The following ATF7IP2 variants were observed in gnomAD, a reference collection of about 807,000 sequenced individuals.
The protein encoded by ATF7IP2 is activating transcription factor 7 interacting protein 2.
Under a neutral mutation model 64.2 loss-of-function variants are expected in ATF7IP2, and 42 were observed. The ratio of observed to expected loss-of-function variants is 0.65; its 90% CI spans 0.51 to 0.85. ATF7IP2 has a LOEUF of 0.85. Among genes scored for constraint, ATF7IP2 ranks in the 40% least tolerant of loss-of-function variants. ATF7IP2 has a pLI of 0.00. For synonymous variants in ATF7IP2, 308 were observed against 272.8 expected, an observed-to-expected ratio of 1.13 and a Z score of -1.27; for missense variants, 933 against 784.2, an observed-to-expected ratio of 1.19 and a Z score of -2.27.
At chr16:10,408,827 G>T (rs2047694033) in intron 1 of ATF7IP2, among the ~76,000 whole-genome samples, 1 of 152,196 alleles carries the variant, frequency 6.6e-6, no homozygotes, top group Admixed American at 6.5e-5. Context: ...TTTCTGTGCA[G>T]AAGCTCTTTA....
chr16:10,482,804 A>G lies in ATF7IP2; in HGVS notation c.*555A>G, dbSNP rs1050764224. On this transcript the variant is annotated 3_prime_UTR_variant, in exon 14 of 14. Coordinates refer to ENST00000562102, the MANE Select transcript of ATF7IP2 (RefSeq NM_001393719.1). The stretch of plus-strand genomic sequence containing the variant: ...GAGTACAGTGGTCACTGCAACCTCC[A>G]TCTCCCTGGTTCAAGCAATTCTCCT... The G allele has an allele frequency of 1.3e-5, 2 of 152,074 alleles. No homozygotes were observed. The highest frequency in any genetic ancestry group is 2.4e-5 in the African/African-American group (1 of 41,394). The allele number at this position is 152,074 out of a possible 1,614,324, so 9.4% of individuals were successfully genotyped here. A position where few individuals can be genotyped will look rare whatever the true frequency, so the allele number is the denominator to read the frequency against.
intron 9 of ATF7IP2, among the ~76,000 whole-genome samples, chr16:10,459,321 A>T (rs1468754061): frequency 6.6e-6 from 1 of 151,942 alleles, no homozygotes; most frequent in East Asian, 1.9e-4. Context: ...ATAAAAAATT[A>T]GCCGGGCATG....
chr16:10,438,101 G>C lies in ATF7IP2; in HGVS notation c.961G>C (p.Val321Leu), dbSNP rs1262302240. 3 of 1,539,552 alleles carry C rather than the reference G, an allele frequency of 1.9e-6. No homozygotes were observed. The highest frequency in any genetic ancestry group is 1.7e-6 in the Non-Finnish European group (2 of 1,148,850). Residue 321 changes from valine (V) to leucine (L), a missense_variant and splice_region_variant, in exon 7 of 14, where the codon GTC becomes CTC. Physicochemically the swap from Val to Leu is conservative, Grantham distance 32. Coordinates refer to ENST00000562102, the MANE Select transcript of ATF7IP2 (RefSeq NM_001393719.1). ...LERQTAFLEQ[V>L]RHLIQQEIYS... ...TTTGGTTTTTATTTTAAAATTCTAG[G>C]TCAGACATTTGATTCAGCAGGAGAT...
At chr16:10,459,304 T>A (rs1459196671) in intron 9 of ATF7IP2, among the ~76,000 whole-genome samples, 1 of 151,890 alleles carries the variant, frequency 6.6e-6, no homozygotes, top group Non-Finnish European at 1.5e-5. Context: ...CCGTCTCTAC[T>A]AAAAATATAA....
At chr16:10,407,765 T>C (rs759349891) in intron 1 of ATF7IP2, among the ~76,000 whole-genome samples, 3 of 152,148 alleles carry the variant, frequency 2.0e-5, no homozygotes, top group Non-Finnish European at 4.4e-5. Flanking sequence ...CTGAACCCAA[T>C]TTGTGGTCTT....
chr16:10,461,374 T>A (rs2049370337), intron 9 of ATF7IP2, among the ~76,000 whole-genome samples: 1 of 152,140 alleles, frequency 6.6e-6, no homozygotes, highest in Non-Finnish European at 1.5e-5. Context: ...TATTGCATGT[T>A]GATATGCCAT....
At chr16:10,408,762 A>G (rs1269735857) in intron 1 of ATF7IP2, among the ~76,000 whole-genome samples, 1 of 152,190 alleles carries the variant, frequency 6.6e-6, no homozygotes, top group Non-Finnish European at 1.5e-5. Flanking sequence ...TGTATAGGTT[A>G]TAAAGATTTT....
At chr16:10,426,663 T>A (rs1030479046) in intron 3 of ATF7IP2, among the ~76,000 whole-genome samples, 1 of 152,106 alleles carries the variant, frequency 6.6e-6, no homozygotes, top group Non-Finnish European at 1.5e-5. Context: ...TTACCACCAG[T>A]AGGCTTCACT....
intron 8 of ATF7IP2, among the ~76,000 whole-genome samples, chr16:10,442,839 T>A (rs929550345): frequency 6.6e-6 from 1 of 152,202 alleles, no homozygotes; most frequent in Non-Finnish European, 1.5e-5. Context: ...CAAATTGTTG[T>A]TGGTTATAGT....
chr16:10,463,762 T>A (rs2049453503), intron 9 of ATF7IP2, among the ~76,000 whole-genome samples: 1 of 152,214 alleles, frequency 6.6e-6, no homozygotes, highest in Admixed American at 6.5e-5. Context: ...GGGTAAATTA[T>A]TACATGGCAA....
At chr16:10,472,417 A>C (rs538623135) in intron 10 of ATF7IP2, among the ~76,000 whole-genome samples, 1 of 151,882 alleles carries the variant, frequency 6.6e-6, no homozygotes, top group African/African-American at 2.4e-5. Context: ...TGTTTCTTTT[A>C]TGTGTTTAAT....
chr16:10,438,533 G>A (rs751541817), intron 7 of ATF7IP2, among the ~76,000 whole-genome samples: 2 of 151,634 alleles, frequency 1.3e-5, no homozygotes, highest in Admixed American at 6.6e-5. Flanking sequence ...GACTACAGGC[G>A]TGCGTCACCA....
intron 8 of ATF7IP2, chr16:10,445,350 C>T (rs2048765095): frequency 6.6e-6 from 1 of 152,016 alleles, no homozygotes; most frequent in Admixed American, 6.6e-5. Context: ...GGGAGGAAGG[C>T]AAGGAGTTAA....
intron 6 of ATF7IP2, among the ~76,000 whole-genome samples, chr16:10,436,410 C>T (rs2048420973): frequency 6.6e-6 from 1 of 151,364 alleles, no homozygotes; most frequent in Non-Finnish European, 1.5e-5. Context: ...TTAAATAATA[C>T]ATTTTGAGCA....
chr16:10,414,922 G>A (rs1041833910), intron 2 of ATF7IP2, among the ~76,000 whole-genome samples: 1 of 152,068 alleles, frequency 6.6e-6, no homozygotes. Context: ...ACTAACCGAA[G>A]ATGTGAAAGA....
At chr16:10,388,855 C>T (rs1437869951) in intron 1 of ATF7IP2, among the ~76,000 whole-genome samples, 2 of 151,602 alleles carry the variant, frequency 1.3e-5, no homozygotes, top group African/African-American at 2.4e-5. Flanking sequence ...CTAAAAAATA[C>T]AAAAAAATTA....
chr16:10,473,968 G>T lies in ATF7IP2; in HGVS notation c.1528G>T (p.Gly510Cys). The stretch of plus-strand genomic sequence containing the variant: ...TTCTATAATTGATTTGACAAAAGAA[G>T]GCCTATCCAACTGCAATACAGGTAA... ...LDSIIDLTKE[G>C]LSNCNTESPV... The change falls in exon 12 of 14, where the codon GGC (glycine) becomes TGC (cysteine). Residue 510 changes from glycine to cysteine, a missense_variant. Transcript: ENST00000562102. 1 of 1,587,440 alleles carries T rather than the reference G, an allele frequency of 6.3e-7. No individual in the cohort carries two copies. Among genetic ancestry groups the T allele is most frequent in the Admixed American group, 1.7e-5 (1 of 58,570 alleles).
chr16:10,430,061 C>T (rs758179119), intron 4 of ATF7IP2, among the ~76,000 whole-genome samples: 11 of 151,750 alleles, frequency 7.2e-5, no homozygotes, highest in Non-Finnish European at 1.6e-4. Context: ...ACCACGTTGA[C>T]CAAGCTGGTC....
At chr16:10,473,452 A>G (rs747559840) in intron 10 of ATF7IP2, 27 bp from the exon 11 acceptor site, 48 of 1,410,708 alleles carry the variant, frequency 3.4e-5, no homozygotes, top group Non-Finnish European at 4.6e-5. Flanking sequence ...TGTGTAATAA[A>G]TTTGTCAAAT....
Sources: gnomAD v4.1 joint callset for allele counts (sites outside exome capture counted in the v4.1 genomes callset) on GRCh38, gnomAD v4.1.1 for gene constraint, MANE v1.5 for transcripts, NCBI Gene and HGNC (gene_info 2026-07-23, HGNC 2026-07-21) for gene names.